Variants in ARRB1 observed in about 807,000 individuals in gnomAD.
ARRB1 encodes arrestin beta 1.
In ARRB1, 21 loss-of-function variants were observed where a neutral mutation model predicts 56.8. The ratio of observed to expected loss-of-function variants is 0.37; its 90% CI spans 0.26 to 0.53. The LOEUF (loss-of-function observed/expected upper bound fraction) is 0.53. Among genes scored for constraint, ARRB1 ranks in the 20% least tolerant of loss-of-function variants. The probability of loss-of-function intolerance (pLI) is 0.88; values close to 1 mark genes in which losing one functional copy is unlikely to be tolerated. For missense variants in ARRB1, 424 were observed against 553.7 expected (o/e 0.77, Z 2.35); for synonymous variants, 210 against 218.6 (o/e 0.96, Z 0.35).
Position 75,272,978 on chromosome 11 carries a change from C to T in ARRB1, c.915G>A (p.Leu305=). The stretch of plus-strand genomic sequence containing the variant: ...TCTCACGGTTGGCACCTTCCCTCAA[C>T]CTGCAAAGTGACACAGGGGAGCCAG... ...HEDTNLASST[L]LREGANREIL... Residue 305 remains leucine, a splice_region_variant and synonymous_variant, in exon 12 of 16, where the codon CTG becomes CTA. Coordinates refer to ENST00000420843, the MANE Select transcript of ARRB1 (RefSeq NM_004041.5). 1 of 1,613,972 alleles carries T rather than the reference C, an allele frequency of 6.2e-7. No homozygotes were observed. The highest frequency in any genetic ancestry group is 8.5e-7 in the Non-Finnish European group (1 of 1,179,908).
In ARRB1 at chr11:75,262,759, G is replaced by T. The variant is rs1246581574; in HGVS notation, c.*3404C>A. ...CCCCCCAGGTGGTTGGTGACAGGCA[G>T]GACTGAGAGGCGGCATTGGGGACTT... On this transcript the variant is annotated 3_prime_UTR_variant, in exon 16 of 16. Coordinates refer to ENST00000420843, the MANE Select transcript of ARRB1 (RefSeq NM_004041.5). 6.6e-6 allele frequency among the ~76,000 whole-genome samples: 1 copy of T among 152,230 alleles called. No individual in the cohort carries two copies. Among genetic ancestry groups the T allele is most frequent in the African/African-American group, 2.4e-5 (1 of 41,456 alleles).
intron 3 of ARRB1, among the ~76,000 whole-genome samples, chr11:75,286,255 C>T (rs1161226673): frequency 4.1e-4 from 16 of 38,722 alleles, no homozygotes; most frequent in African/African-American, 1.7e-3. Flanking sequence ...ATTTGCTCAT[C>T]TTTTTTTTTT....
chr11:75,307,005 G>T (rs1347069972), intron 1 of ARRB1, among the ~76,000 whole-genome samples: 1 of 152,140 alleles, frequency 6.6e-6, no homozygotes, highest in Admixed American at 6.5e-5. Context: ...ATCCCCAGTG[G>T]GTACTTGTCA....
chr11:75,296,629 C>T (rs911532767), intron 1 of ARRB1, among the ~76,000 whole-genome samples: 1 of 152,260 alleles, frequency 6.6e-6, no homozygotes, highest in Middle Eastern at 3.4e-3. Flanking sequence ...AGACTGATTA[C>T]ACCAAAACAA....
Position 75,264,648 on chromosome 11 carries a change from G to A in ARRB1, c.*1515C>T, listed in dbSNP as rs962508546. On this transcript the variant is annotated 3_prime_UTR_variant, in exon 16 of 16. Coordinates refer to ENST00000420843, the MANE Select transcript of ARRB1 (RefSeq NM_004041.5). ...CCAATAAATCCCCTCTGGAGGCAGA[G>A]AGACCAGTCAGCAGCTCTGGCTCTA... 5 of 152,210 alleles carry A rather than the reference G, an allele frequency of 3.3e-5. No individual in the cohort carries two copies. Among genetic ancestry groups the A allele is most frequent in the African/African-American group, 1.2e-4 (5 of 41,440 alleles). 9.4% of individuals were successfully genotyped at this position (152,210 alleles called of 1,614,324 possible).
In ARRB1 at chr11:75,262,977, C is replaced by T. The variant is rs1184534236; in HGVS notation, c.*3186G>A. The stretch of plus-strand genomic sequence containing the variant: ...CCTGGGTGGAATGCTGAGGAGGTCC[C>T]GCTGGCTCTCTGCTCGGTGGGTTTT... On this transcript the variant is annotated 3_prime_UTR_variant, in exon 16 of 16. Coordinates refer to ENST00000420843, the MANE Select transcript of ARRB1 (RefSeq NM_004041.5). Among the ~76,000 whole-genome samples, 2 of 152,196 alleles carry T rather than the reference C, an allele frequency of 1.3e-5. No homozygotes were observed. The highest frequency in any genetic ancestry group is 2.4e-5 in the African/African-American group (1 of 41,446).
chr11:75,278,537 GA>G, intron 8 of ARRB1, 71 bp downstream of exon 8: 1 of 1,602,404 alleles, frequency 6.2e-7, no homozygotes, highest in South Asian at 1.1e-5. Context: ...TGCAGGCCAG[GA>G]GAGAGCTGGG....
At chr11:75,270,400 C>T (rs1043117385) in intron 13 of ARRB1, among the ~76,000 whole-genome samples, 4 of 152,076 alleles carry the variant, frequency 2.6e-5, no homozygotes, top group South Asian at 2.1e-4. Flanking sequence ...GAGGCCGAGG[C>T]GGGTGGATCA....
At chr11:75,304,568 G>A (rs950132839) in intron 1 of ARRB1, among the ~76,000 whole-genome samples, 3 of 152,030 alleles carry the variant, frequency 2.0e-5, no homozygotes, top group East Asian at 1.9e-4. Context: ...AGCCAGTACC[G>A]TTGGTTCTCA....
At position 75,314,332 on chromosome 11, in the gene ARRB1, G is replaced by C. The variant is rs371765288; in HGVS notation, c.21-24293C>G. On this transcript the variant is annotated intron_variant, in intron 1 of 15. Transcript: ENST00000420843. ...CATCTTCTTAGTAAAGATAACAGCA[G>C]ACTGGATGCCGCAGGGCATGGTGGC... is the stretch of plus-strand genomic sequence containing the variant. Among the ~76,000 whole-genome samples, 29 of 152,376 alleles carry C rather than the reference G, an allele frequency of 1.9e-4. 1 individual carries two copies. The highest frequency in any genetic ancestry group is 7.0e-4 in the African/African-American group (29 of 41,592).
chr11:75,321,288 C>A (rs552577785), intron 1 of ARRB1, among the ~76,000 whole-genome samples: 1 of 149,314 alleles, frequency 6.7e-6, no homozygotes, highest in South Asian at 2.2e-4. Context: ...ACCATCCCCC[C>A]ACCTCTTCCT....
chr11:75,304,551 T>G (rs1946977822), intron 1 of ARRB1, among the ~76,000 whole-genome samples: 6 of 151,686 alleles, frequency 4.0e-5, no homozygotes, highest in South Asian at 2.1e-4. Flanking sequence ...AGGTAGTTGT[T>G]AAACACAGCC....
chr11:75,325,924 G>T (rs1164344908), intron 1 of ARRB1, among the ~76,000 whole-genome samples: 3 of 152,200 alleles, frequency 2.0e-5, no homozygotes, highest in South Asian at 2.1e-4. Flanking sequence ...CCCAACTCGG[G>T]CCGGCTGACT....
chr11:75,284,854 G>A (rs1189273714), intron 3 of ARRB1, among the ~76,000 whole-genome samples: 1 of 152,112 alleles, frequency 6.6e-6, no homozygotes, highest in South Asian at 2.1e-4. Flanking sequence ...AGTGAGCTGA[G>A]ATCATCCCAC....
intron 3 of ARRB1, among the ~76,000 whole-genome samples, chr11:75,286,255 CTTTTTTTTTTTTTTTT>C (rs60988072): frequency 2.6e-5 from 1 of 38,678 alleles, no homozygotes; most frequent in African/African-American, 1.1e-4. Flanking sequence ...ATTTGCTCAT[CTTTTTTTTTTTTTTTT>C]TTTTTTTTTT....
chr11:75,271,586 G>A, intron 13 of ARRB1, 115 bp downstream of exon 13: 1 of 1,199,594 alleles, frequency 8.3e-7, no homozygotes, highest in Non-Finnish European at 1.1e-6. Context: ...CTGGCTATCT[G>A]AAATGACCAC....
At chr11:75,273,670 C>T (rs1288220008) in intron 11 of ARRB1, among the ~76,000 whole-genome samples, 1 of 129,074 alleles carries the variant, frequency 7.7e-6, no homozygotes, top group Non-Finnish European at 1.7e-5. Flanking sequence ...GACCAGATGC[C>T]CTGGGACCCC....
rs144622657 is a variant in ARRB1 at position 75,283,440 on chromosome 11, G to A, written c.201C>T (p.Asp67=). 5 of 1,613,832 alleles carry A rather than the reference G, an allele frequency of 3.1e-6. No individual in the cohort carries two copies. In the African/African-American group the frequency reaches 6.7e-5, roughly 22 times the overall value. ...LTCAFRYGRE[D]LDVLGLTFRK... ...GAAAGGTCAGGCCCAGGACATCCAG[G>A]TCCTCCCGGCCATAGCGGAAGGCGC... The change falls in exon 5 of 16, where the codon GAC becomes GAT. Residue 67 remains aspartate, a synonymous_variant. Coordinates refer to ENST00000420843, the MANE Select transcript of ARRB1 (RefSeq NM_004041.5).
chr11:75,268,956 G>T lies in ARRB1; in HGVS notation c.1026C>A (p.Asp342Glu). Residue 342 changes from aspartate to glutamate, a missense_variant, in exon 14 of 16, where the codon GAC becomes GAA. This residue lies in a region of ARRB1 where 121 missense variants were observed against 147.3 expected (regional missense o/e 0.82). Transcript: ENST00000420843. ...GGGTGAAGGGCAGTTCCACGGCCAC[G>T]TCGCTGAAACAGAGACCCAGACCCA... ...GGLLGDLASS[D>E]VAVELPFTLM... 6.2e-7 allele frequency: 1 copy of T among 1,609,456 alleles called. No individual in the cohort carries two copies. Among genetic ancestry groups the T allele is most frequent in the Non-Finnish European group, 8.5e-7 (1 of 1,178,708 alleles).
Sources: allele counts gnomAD v4.1 joint callset (sites outside exome capture counted in the v4.1 genomes callset), GRCh38; gene constraint gnomAD v4.1.1; regional missense constraint gnomAD v4.1.1; transcripts MANE v1.5; gene names NCBI Gene and HGNC (gene_info 2026-07-23, HGNC 2026-07-21).